Variants in NAT16 observed in about 807,000 individuals in gnomAD.
NAT16 encodes the protein probable N-acetyltransferase 16.
A neutral mutation model predicts 15.9 loss-of-function variants in NAT16; 16 were observed. That is an observed-to-expected ratio of 1.01 (90% CI 0.68 to 1.53). The LOEUF is 1.53. Among genes scored for constraint, NAT16 ranks in the 40% most tolerant of loss-of-function variants. The pLI is 0.00. For missense variants in NAT16, 572 were observed against 508.4 expected (o/e 1.13, Z -1.20); for synonymous variants, 260 against 241.9 (o/e 1.07, Z -0.69).
In NAT16 at chr7:101,173,148, A is replaced by T. The variant is rs754808932; in HGVS notation, c.537+148T>A. On this transcript the variant is annotated intron_variant, in intron 3 of 3. Transcript: ENST00000300303. ...CCCTGGGTCAAAGGGTCTGGTAAGGACTGGGAGTCCCAGGGCAAGGCTCAT... is the reference window on the plus strand; with the variant it reads ...CCCTGGGTCAAAGGGTCTGGTAAGGTCTGGGAGTCCCAGGGCAAGGCTCAT... The T allele has an allele frequency of 7.6e-5, 56 of 732,268 alleles. 1 individual carries two copies. Among genetic ancestry groups the T allele is most frequent in the Non-Finnish European group, 1.2e-4 (52 of 416,966 alleles). 45.4% of individuals were successfully genotyped at this position (732,268 alleles called of 1,614,324 possible). A position where few individuals can be genotyped will look rare whatever the true frequency, so the allele number is the denominator to read the frequency against.
chr7:101,173,665 T>A (rs979855121), intron 2 of NAT16, 145 bp from the exon 3 acceptor site: 2 of 632,444 alleles, frequency 3.2e-6, no homozygotes, highest in African/African-American at 3.8e-5. Flanking sequence ...AGCACGGCAC[T>A]TGGGCCTCAG....
In NAT16 at chr7:101,172,476, G is replaced by T; in HGVS notation, c.713C>A (p.Pro238Gln). The change falls in exon 4 of 4, where the codon CCA (proline) becomes CAA (glutamine). Residue 238 changes from proline (P) to glutamine (Q), a missense_variant. Physicochemically the swap from Pro to Gln is moderately conservative, Grantham distance 76. Coordinates refer to ENST00000300303, the MANE Select transcript of NAT16 (RefSeq NM_198571.3). This position sits in a 1 kb window ranked among gnomAD's most constrained non-coding sequence, Gnocchi z 4.2. The stretch of plus-strand genomic sequence containing the variant: ...CCAGTCCTGGATGATGGTCCCGCCT[G>T]GAAGCACGTCGCGCTGCACGGAGGG... ...LSPSVQRDVL[P>Q]GGTIIQDWQP... 6.3e-7 allele frequency: 1 copy of T among 1,599,938 alleles called. No individual in the cohort carries two copies.
In NAT16 at chr7:101,173,396, A is replaced by C. The variant is rs1797386001; in HGVS notation, c.437T>G (p.Leu146Arg). 6.2e-7 allele frequency: 1 copy of C among 1,613,820 alleles called. No homozygotes were observed. Among genetic ancestry groups the C allele is most frequent in the Admixed American group, 1.7e-5 (1 of 60,006 alleles). Residue 146 changes from leucine (L) to arginine (R), a missense_variant, in exon 3 of 4, where the codon CTG (leucine) becomes CGG (arginine). Coordinates refer to ENST00000300303, the MANE Select transcript of NAT16 (RefSeq NM_198571.3). The part of the protein sequence containing the change: ...AGLLQRFCSQ[L>R]VKRQHPGVKV... ...GACCCCCGGGTGCTGTCTCTTGACC[A>C]GCTGCGAGCAGAAGCGCTGCAGCAG...
At chr7:101,174,349 C>T (rs935850087) in intron 2 of NAT16, 147 bp downstream of exon 2, 8 of 1,082,348 alleles carry the variant, frequency 7.4e-6, no homozygotes, top group African/African-American at 1.6e-5. Flanking sequence ...CCGCACTGCA[C>T]GCCCTGCACT....
Position 101,172,064 on chromosome 7 carries a change from G to C in NAT16, c.*15C>G, listed in dbSNP as rs746021082. ...GGGGCGGGTCTTTTTCCCCCTCCCC[G>C]CCAGAGGAGAGGCCTCAGATGTCGG... On this transcript the variant is annotated 3_prime_UTR_variant, in exon 4 of 4. Transcript: ENST00000300303. The surrounding 1 kb of genome is among the most constrained non-coding windows in gnomAD (Gnocchi z 4.2). 1.5e-5 allele frequency: 24 copies of C among 1,573,334 alleles called. No individual in the cohort carries two copies. In the African/African-American group the frequency reaches 3.3e-4, roughly 21 times the overall value.
At position 101,171,828 on chromosome 7, in the gene NAT16, A is replaced by G. The variant is rs1584218442; in HGVS notation, c.*251T>C. ...TGGATAACAGCAGCTCAAGGCCCCC[A>G]CCCCCAGCCCCCACCTAATAGTCCG... On this transcript the variant is annotated 3_prime_UTR_variant, in exon 4 of 4. Coordinates refer to ENST00000300303, the MANE Select transcript of NAT16 (RefSeq NM_198571.3). 2.1e-6 allele frequency: 1 copy of G among 486,370 alleles called. No individual in the cohort carries two copies. Among genetic ancestry groups the G allele is most frequent in the African/African-American group, 2.0e-5 (1 of 49,064 alleles). 30.1% of individuals were successfully genotyped at this position (486,370 alleles called of 1,614,324 possible).
chr7:101,172,534 C>T lies in NAT16; in HGVS notation c.655G>A (p.Ala219Thr). ...AGGAGGCGTGCCACGTCGCCGCCTGCCTCGGACACGGCCTCGGTGGGCAGC... is the reference window on the plus strand; with the variant it reads ...AGGAGGCGTGCCACGTCGCCGCCTGTCTCGGACACGGCCTCGGTGGGCAGC... ...SPLPTEAVSE[A>T]GGDVARLLLS... Residue 219 changes from alanine (A) to threonine (T), a missense_variant, in exon 4 of 4, where the codon GCA becomes ACA. By Grantham distance (58) the Ala-to-Thr change is moderately conservative (BLOSUM62 0). Transcript: ENST00000300303. This position sits in a 1 kb window ranked among gnomAD's most constrained non-coding sequence, Gnocchi z 4.2. 6.4e-7 allele frequency: 1 copy of T among 1,572,810 alleles called. No individual in the cohort carries two copies. Among genetic ancestry groups the T allele is most frequent in the Non-Finnish European group, 8.6e-7 (1 of 1,167,412 alleles).
chr7:101,176,516 A>AG (rs1429612014), intron 1 of NAT16, among the ~76,000 whole-genome samples: 27 of 151,090 alleles, frequency 1.8e-4, no homozygotes, highest in East Asian at 7.8e-4. Flanking sequence ...AAAAAAAAAA[A>AG]AAGAAGAAGA....
In NAT16 at chr7:101,172,360, GCACGCGCGGGCGCGCGCGGCTGTC is replaced by G; in HGVS notation, c.805_828del (p.Asp269_Val276del). Reference sequence around the variant, plus strand: ...GGGAAGGGGCGCGTGCACAGCGTGAGCACGCGCGGGCGCGCGCGGCTGTCCACGCGCCACTCCAGGCCCTTGGCC... The same window carrying G: ...GGGAAGGGGCGCGTGCACAGCGTGAGCACGCGCCACTCCAGGCCCTTGGCC... On this transcript the variant is annotated inframe_deletion, in exon 4 of 4. Coordinates refer to ENST00000300303, the MANE Select transcript of NAT16 (RefSeq NM_198571.3). The surrounding 1 kb of genome is among the most constrained non-coding windows in gnomAD (Gnocchi z 4.2). 2 of 1,581,164 alleles carry G rather than the reference GCACGCGCGGGCGCGCGCGGCTGTC, an allele frequency of 1.3e-6. No homozygotes were observed. The highest frequency in any genetic ancestry group is 1.7e-6 in the Non-Finnish European group (2 of 1,166,422).
Position 101,173,336 on chromosome 7 carries a change from C to A in NAT16, c.497G>T (p.Gly166Val). Residue 166 changes from glycine to valine, a missense_variant, in exon 3 of 4, where the codon GGC (glycine) becomes GTC (valine). Transcript: ENST00000300303. ...GCGGTATTTCTTCAGCTCCCGGGGG[C>A]CCAGCTGGTCGTCCCGGGTGAGCCG... is the stretch of plus-strand genomic sequence containing the variant. ...VARLTRDDQL[G>V]PRELKKYRLI... The A allele has an allele frequency of 1.2e-6, 2 of 1,614,032 alleles. No individual in the cohort carries two copies. Among genetic ancestry groups the A allele is most frequent in the Non-Finnish European group, 1.7e-6 (2 of 1,180,006 alleles).
rs772322657 is a variant in NAT16 at position 101,172,234 on chromosome 7, G to A, written c.955C>T (p.Arg319Cys). Residue 319 changes from arginine (R) to cysteine (C), a missense_variant, in exon 4 of 4, where the codon CGC (arginine) becomes TGC (cysteine). Arg to Cys is a radical substitution (Grantham distance 180, BLOSUM62 -3). Transcript: ENST00000300303. This position sits in a 1 kb window ranked among gnomAD's most constrained non-coding sequence, Gnocchi z 4.2. ...AGGCCAACGAGGCGCGGGGCCTGGCGCTGCAGGTGCCACAGCAGCTGGCTC... is the reference window on the plus strand; with the variant it reads ...AGGCCAACGAGGCGCGGGGCCTGGCACTGCAGGTGCCACAGCAGCTGGCTC... ...VQSQLLWHLQ[R>C]QAPRLVGLNV... The A allele has an allele frequency of 6.2e-7, 1 of 1,613,250 alleles. No homozygotes were observed. The highest frequency in any genetic ancestry group is 1.3e-5 in the African/African-American group (1 of 74,912).
At chr7:101,178,125 G>A (rs1210658145) in intron 1 of NAT16, among the ~76,000 whole-genome samples, 1 of 152,140 alleles carries the variant, frequency 6.6e-6, no homozygotes, top group Admixed American at 6.6e-5. Flanking sequence ...GCTTACAGTG[G>A]GGAGACCCTT....
At chr7:101,177,511 T>C (rs934650874) in intron 1 of NAT16, among the ~76,000 whole-genome samples, 2 of 151,990 alleles carry the variant, frequency 1.3e-5, no homozygotes, top group Non-Finnish European at 2.9e-5. Context: ...CCTGGCTACT[T>C]TCTAAAATGT....
intron 1 of NAT16, among the ~76,000 whole-genome samples, chr7:101,175,878 C>T (rs1455010218): frequency 1.3e-5 from 2 of 150,824 alleles, no homozygotes; most frequent in Non-Finnish European, 2.9e-5. Context: ...GCCGGGATCA[C>T]ACCACCGCAC....
intron 1 of NAT16, among the ~76,000 whole-genome samples, chr7:101,179,457 G>C (rs1048297138): frequency 1.3e-5 from 2 of 151,672 alleles, no homozygotes; most frequent in East Asian, 1.9e-4. Context: ...CCCGGGGTAT[G>C]GGGGGCGGGG....
At chr7:101,176,121 G>A (rs1428159447) in intron 1 of NAT16, among the ~76,000 whole-genome samples, 1 of 152,112 alleles carries the variant, frequency 6.6e-6, no homozygotes, top group African/African-American at 2.4e-5. Flanking sequence ...GGGGGAGGGT[G>A]TAGACCCCAA....
intron 1 of NAT16, among the ~76,000 whole-genome samples, chr7:101,179,812 G>C (rs949398089): frequency 6.6e-6 from 1 of 151,528 alleles, no homozygotes; most frequent in African/African-American, 2.4e-5. Context: ...GCCGGACCCT[G>C]GGGACAGGTG....
chr7:101,176,484 G>C (rs894442223), intron 1 of NAT16, among the ~76,000 whole-genome samples: 9 of 141,202 alleles, frequency 6.4e-5, no homozygotes, highest in Non-Finnish European at 9.0e-5. Flanking sequence ...CTGGGCAACA[G>C]AGTGAGACTC....
At position 101,173,480 on chromosome 7, in the gene NAT16, G is replaced by A; in HGVS notation, c.353C>T (p.Thr118Met). The A allele has an allele frequency of 6.2e-7, 1 of 1,609,244 alleles. No homozygotes were observed. The highest frequency in any genetic ancestry group is 8.5e-7 in the Non-Finnish European group (1 of 1,177,544). Reference sequence around the variant, plus strand: ...CACGCGCAGCCCCTCCACCAGCACCGTCTCCCCGGCGTCGATCACGTTCAC... The same window carrying A: ...CACGCGCAGCCCCTCCACCAGCACCATCTCCCCGGCGTCGATCACGTTCAC... ...ESVNVIDAGE[T>M]VLVEGLRVAP... The change falls in exon 3 of 4, where the codon ACG (threonine) becomes ATG (methionine). Residue 118 changes from threonine (T) to methionine (M), a missense_variant. Transcript: ENST00000300303.
Sources: gnomAD v4.1 joint callset for allele counts (sites outside exome capture counted in the v4.1 genomes callset) on GRCh38, gnomAD v4.1.1 for gene constraint, Gnocchi (gnomAD v3.1) non-coding constraint, MANE v1.5 for transcripts, NCBI Gene and HGNC (gene_info 2026-07-23, HGNC 2026-07-21) for gene names.